The following KCND1 variants were observed in gnomAD, a reference collection of about 807,000 sequenced individuals.
KCND1 encodes A-type voltage-gated potassium channel KCND1.
In KCND1, 11 loss-of-function variants were observed where a neutral mutation model predicts 31.8. The ratio of observed to expected loss-of-function variants is 0.35; its 90% CI spans 0.22 to 0.57. The LOEUF (loss-of-function observed/expected upper bound fraction) is 0.57, where lower values mean the gene tolerates loss of function less well. Among genes scored for constraint, KCND1 ranks in the 20% least tolerant of loss-of-function variants. The probability of loss-of-function intolerance (pLI) is 0.85; values close to 1 mark genes in which losing one functional copy is unlikely to be tolerated. For synonymous variants in KCND1, 234 were observed against 248.1 expected (o/e 0.94, Z 0.53); for missense variants, 471 against 596.8 (o/e 0.79, Z 2.20).
intron 5 of KCND1, among the ~76,000 whole-genome samples, chrX:48,964,472 C>T (rs1407845850): frequency 9.1e-6 from 1 of 109,475 alleles, no homozygotes; most frequent in African/African-American, 3.3e-5. Context: ...GCCAAGATCG[C>T]GCCACCGCAC....
At position 48,962,283 on chromosome X, in the gene KCND1, A is replaced by T; in HGVS notation, c.*298T>A. 3.6e-6 allele frequency: 1 copy of T among 275,555 alleles called. No homozygotes were observed. The highest frequency in any genetic ancestry group is 6.4e-6 in the Non-Finnish European group (1 of 155,345). 22.7% of individuals were successfully genotyped at this position (275,555 alleles called of 1,213,427 possible). A position where few individuals can be genotyped will look rare whatever the true frequency, so the allele number is the denominator to read the frequency against. On this transcript the variant is annotated 3_prime_UTR_variant, in exon 6 of 6. Coordinates refer to ENST00000218176, the MANE Select transcript of KCND1 (RefSeq NM_004979.6). ...TGAGAGCCCAAGGGGAGGAGCATGC[A>T]GGAGTCCAGCTGGGAGAGTGGGGCC...
chrX:48,969,997 C>T lies in KCND1; in HGVS notation c.275G>A (p.Arg92His), dbSNP rs375620226. ...YFFDRDPDMF[R>H]HVLNFYRTGR... ...CGTTCGGTAGAAGTTCAGCACATGG[C>T]GGAACATGTCAGGGTCGCGATCGAA... The change falls in exon 1 of 6, where the codon CGC (arginine) becomes CAC (histidine). Residue 92 changes from arginine to histidine, a missense_variant. Around this residue, in one of 3 missense-constraint regions of KCND1, gnomAD observed 212 missense variants for 257.9 expected, o/e 0.82. Coordinates refer to ENST00000218176, the MANE Select transcript of KCND1 (RefSeq NM_004979.6). 24 of 1,210,303 alleles carry T rather than the reference C, an allele frequency of 2.0e-5. No individual in the cohort carries two copies. Among genetic ancestry groups the T allele is most frequent in the East Asian group, 3.0e-5 (1 of 33,802 alleles).
chrX:48,962,437 A>G lies in KCND1; in HGVS notation c.*144T>C, dbSNP rs2064325782. On this transcript the variant is annotated 3_prime_UTR_variant, in exon 6 of 6. Transcript: ENST00000218176. ...TGGCTACTTCCCCACTATGTGGACC[A>G]TTTCATGAAACTCCATTGCATAGTT... 2.2e-6 allele frequency: 1 copy of G among 455,279 alleles called. No individual in the cohort carries two copies. The highest frequency in any genetic ancestry group is 2.5e-5 in the African/African-American group (1 of 40,499). The allele number at this position is 455,279 out of a possible 1,213,427, so 37.5% of individuals were successfully genotyped here.
rs2064490389 is a variant in KCND1, at chrX:48,966,848, C to CAG, written c.1285-6_1285-5dup. ...GGATCCTTGCCAAGCGCACCTTCTG[C>CAG]AGAGAGAGGAGATAAAAGGTCAGGT... On this transcript the variant is annotated splice_region_variant and splice_polypyrimidine_tract_variant and intron_variant, in intron 2 of 5. Transcript: ENST00000218176. 1 of 1,200,349 alleles carries CAG rather than the reference C, an allele frequency of 8.3e-7. No homozygotes were observed. Among genetic ancestry groups the CAG allele is most frequent in the South Asian group, 1.8e-5 (1 of 56,048 alleles).
Position 48,969,761 on chromosome X carries a change from G to A in KCND1, c.511C>T (p.Arg171Trp), listed in dbSNP as rs1557058589. ...ALPAGSSLRQRLWRAFENPHT... is the reference protein window; with the variant it reads ...ALPAGSSLRQWLWRAFENPHT... ...GGATTCTCGAAGGCCCGCCAGAGCC[G>A]CTGCCGCAGGGAGCTGCCTGCTGGC... is the stretch of plus-strand genomic sequence containing the variant. The change falls in exon 1 of 6, where the codon CGG becomes TGG. Residue 171 changes from arginine to tryptophan, a missense_variant. This residue lies in a region of KCND1 where 212 missense variants were observed against 257.9 expected (regional missense o/e 0.82). Transcript: ENST00000218176. 4 of 1,207,770 alleles carry A rather than the reference G, an allele frequency of 3.3e-6. No homozygotes were observed. Among genetic ancestry groups the A allele is most frequent in the Admixed American group, 2.2e-5 (1 of 45,771 alleles).
Position 48,969,552 on chromosome X carries a change from G to C in KCND1, c.720C>G (p.Leu240=), listed in dbSNP as rs1473115114. 2.6e-5 allele frequency: 32 copies of C among 1,208,994 alleles called. No individual in the cohort carries two copies. The highest frequency in any genetic ancestry group is 3.4e-5 in the Non-Finnish European group (30 of 894,223). Residue 240 remains leucine (L), a synonymous_variant, in exon 1 of 6, where the codon CTC becomes CTG. Coordinates refer to ENST00000218176, the MANE Select transcript of KCND1 (RefSeq NM_004979.6). ...GCAGGAGGTATTCACCTGTGAATAT[G>C]AGTACACAGGCTGTGTCCATGCAGA... ...AFFCMDTACV[L]IFTGEYLLRL... is the part of the protein sequence containing the mutation.
intron 5 of KCND1, among the ~76,000 whole-genome samples, chrX:48,965,014 T>TAAA (rs1208544033): frequency 6.8e-5 from 5 of 73,638 alleles, no homozygotes; most frequent in Non-Finnish European, 7.3e-5. Context: ...AGACTCCGTC[T>TAAA]AAAAAAAAAA....
At chrX:48,967,453 A>AG (rs2064360582) in intron 1 of KCND1, 1 of 207,439 alleles carries the variant, frequency 4.8e-6, no homozygotes, top group East Asian at 1.0e-4. Context: ...AAGGGCTTCA[A>AG]GTCCCGGGAG....
At position 48,962,574 on chromosome X, in the gene KCND1, C is replaced by T. The variant is rs782718885; in HGVS notation, c.*7G>A. 11 of 1,174,000 alleles carry T rather than the reference C, an allele frequency of 9.4e-6. No individual in the cohort carries two copies. The highest frequency in any genetic ancestry group is 1.2e-5 in the Non-Finnish European group (10 of 866,896). On this transcript the variant is annotated 3_prime_UTR_variant, in exon 6 of 6. Transcript: ENST00000218176. ...AAGAGGACCCTCTGAATCAGCAGGCCTACCCCTCACAGGGATGAGATCTTG... is the reference window on the plus strand; with the variant it reads ...AAGAGGACCCTCTGAATCAGCAGGCTTACCCCTCACAGGGATGAGATCTTG...
At chrX:48,965,905 G>T (rs2064349596) in intron 5 of KCND1, 150 bp downstream of exon 5, 10 of 511,860 alleles carry the variant, frequency 2.0e-5, no homozygotes, top group African/African-American at 4.8e-5. Context: ...GATGAAGAAT[G>T]AGTTCCAGAC....
chrX:48,969,669 G>A lies in KCND1; in HGVS notation c.603C>T (p.Ile201=), dbSNP rs184160237. Residue 201 remains isoleucine, a synonymous_variant, in exon 1 of 6, where the codon ATC becomes ATT. Transcript: ENST00000218176. ...VTGFFIAVSV[I]ANVVETIPCR... ...ATGGGATGGTCTCCACCACATTGGC[G>A]ATGACCGACACGGCGATGAAGAAGC... 282 of 1,209,381 alleles carry A rather than the reference G, an allele frequency of 2.3e-4. No individual in the cohort carries two copies. The Middle Eastern group carries it at 4.8e-3, about 21-fold the overall frequency.
intron 1 of KCND1, chrX:48,967,698 C>T (rs1166392063): frequency 1.8e-5 from 2 of 111,891 alleles, no homozygotes; most frequent in Non-Finnish European, 3.7e-5. Context: ...CTGTAACTGA[C>T]TCGCCCAAGA....
Position 48,969,541 on chromosome X carries a change from C to A in KCND1, c.731G>T (p.Gly244Val). 1 of 1,211,068 alleles carries A rather than the reference C, an allele frequency of 8.3e-7. No individual in the cohort carries two copies. Among genetic ancestry groups the A allele is most frequent in the Non-Finnish European group, 1.1e-6 (1 of 895,157 alleles). The change falls in exon 1 of 6, where the codon GGT becomes GTT. Residue 244 changes from glycine (G) to valine (V), a missense_variant. Gly to Val is a moderately radical substitution (Grantham distance 109). Around this residue, in one of 3 missense-constraint regions of KCND1, gnomAD observed 212 missense variants for 257.9 expected, o/e 0.82. Transcript: ENST00000218176. ...MDTACVLIFT[G>V]EYLLRLFAAP... The stretch of plus-strand genomic sequence containing the variant: ...GGCAAACAGCCGCAGGAGGTATTCA[C>A]CTGTGAATATGAGTACACAGGCTGT...
At chrX:48,968,559 T>C (rs1257483011) in intron 1 of KCND1, among the ~76,000 whole-genome samples, 1 of 111,583 alleles carries the variant, frequency 9.0e-6, no homozygotes, top group Non-Finnish European at 1.9e-5. Flanking sequence ...CTCTAGATGA[T>C]GAAGGGATCA....
At chrX:48,967,481 T>G in intron 1 of KCND1, 1 of 179,971 alleles carries the variant, frequency 5.6e-6, no homozygotes, top group Non-Finnish European at 1.0e-5. Context: ...TTGTTGGTTT[T>G]GGCTGCCTCT....
intron 5 of KCND1, 143 bp from the exon 6 acceptor site, chrX:48,962,949 C>G (rs916138417): frequency 1.2e-4 from 54 of 460,708 alleles, no homozygotes; most frequent in Non-Finnish European, 1.8e-4. Flanking sequence ...CCAGCCTGAC[C>G]AACATGATGA....
rs963833912 is a variant in KCND1, at chrX:48,962,469, G to C, written c.*112C>G. ...GAAACTCCATTGCATAGTTCTCAGT[G>C]GGGGGGGCAGAAGGGGTGCCCAAGC... On this transcript the variant is annotated 3_prime_UTR_variant, in exon 6 of 6. Coordinates refer to ENST00000218176, the MANE Select transcript of KCND1 (RefSeq NM_004979.6). 69 of 500,624 alleles carry C rather than the reference G, an allele frequency of 1.4e-4. No homozygotes were observed. Among genetic ancestry groups the C allele is most frequent in the Non-Finnish European group, 2.1e-4 (63 of 295,108 alleles). The allele number at this position is 500,624 out of a possible 1,213,427, so 41.3% of individuals were successfully genotyped here.
rs781837219 is a variant in KCND1, at chrX:48,966,061, G to T, written c.1712C>A (p.Pro571His). 1 of 1,209,686 alleles carries T rather than the reference G, an allele frequency of 8.3e-7. No homozygotes were observed. The highest frequency in any genetic ancestry group is 1.1e-6 in the Non-Finnish European group (1 of 894,632). ...MLAGLRRSHA[P>H]QSRSSLNAKP... Reference sequence around the variant, plus strand: ...AGGTAGGAGGGCTGCTTACCTCTGAGGGGCATGGCTCCTGCGCAGCCCTGC... The same window carrying T: ...AGGTAGGAGGGCTGCTTACCTCTGATGGGCATGGCTCCTGCGCAGCCCTGC... The change falls in exon 5 of 6, where the codon CCT becomes CAT. Residue 571 changes from proline to histidine, a missense_variant. This residue lies in a region of KCND1 where 185 missense variants were observed against 184.7 expected (regional missense o/e 1.00). Transcript: ENST00000218176.
At chrX:48,967,293 C>T in intron 1 of KCND1, 187 bp from the exon 2 acceptor site, 1 of 431,184 alleles carries the variant, frequency 2.3e-6, no homozygotes, top group South Asian at 3.5e-5. Context: ...GGCCCTCAAC[C>T]CCTACCATCT....
Sources: allele counts gnomAD v4.1 joint callset (sites outside exome capture counted in the v4.1 genomes callset), GRCh38; gene constraint gnomAD v4.1.1; regional missense constraint gnomAD v4.1.1; transcripts MANE v1.5; gene names NCBI Gene and HGNC (gene_info 2026-07-23, HGNC 2026-07-21).